GRAMD1B: variants seen among roughly 807,000 people sequenced by gnomAD.
GRAMD1B encodes protein Aster-B.
Under a neutral mutation model 99.7 loss-of-function variants are expected in GRAMD1B, and 37 were observed. The ratio of observed to expected loss-of-function variants is 0.37; its 90% CI spans 0.29 to 0.49. The LOEUF (loss-of-function observed/expected upper bound fraction) is 0.49, where lower values mean the gene tolerates loss of function less well. Ranked by LOEUF, GRAMD1B falls within the 20% of genes least tolerant of loss-of-function variation. GRAMD1B has a pLI of 0.98. For missense variants in GRAMD1B, 888 were observed against 1,009.2 expected (o/e 0.88, Z 1.63); for synonymous variants, 427 against 387.6 (o/e 1.10, Z -1.19).
At chr11:123,378,929 G>T (rs1236937462) in intron 1 of GRAMD1B, among the ~76,000 whole-genome samples, 1 of 152,182 alleles carries the variant, frequency 6.6e-6, no homozygotes, top group East Asian at 1.9e-4. Context: ...CCTGTGTTCA[G>T]TCTTCTCTTG....
intron 1 of GRAMD1B, among the ~76,000 whole-genome samples, chr11:123,370,315 A>T (rs915495319): frequency 3.5e-5 from 5 of 141,940 alleles, no homozygotes; most frequent in African/African-American, 7.8e-5. Flanking sequence ...GACTCCATCT[A>T]AAAAAAAAAA....
chr11:123,475,689 AC>A (rs1951231638), intron 1 of GRAMD1B, among the ~76,000 whole-genome samples: 1 of 152,172 alleles, frequency 6.6e-6, no homozygotes, highest in Admixed American at 6.5e-5. Context: ...AGGGTTTCCA[AC>A]AGACAGTTTC....
upstream of GRAMD1B, among the ~76,000 whole-genome samples, chr11:123,428,652 G>C (rs1270418492): frequency 6.6e-6 from 1 of 152,226 alleles, no homozygotes; most frequent in African/African-American, 2.4e-5. Context: ...TCCATAGCCA[G>C]CTGTCATCCT....
chr11:123,558,973 A>T (rs577352178), intron 2 of GRAMD1B, among the ~76,000 whole-genome samples: 1 of 152,382 alleles, frequency 6.6e-6, no homozygotes, highest in African/African-American at 2.4e-5. Context: ...GATGCAGGTG[A>T]CATCAATGGA....
intron 1 of GRAMD1B, among the ~76,000 whole-genome samples, chr11:123,472,243 GAAAA>G (rs1716254370): frequency 2.6e-5 from 4 of 151,342 alleles, no homozygotes; most frequent in African/African-American, 9.7e-5. Flanking sequence ...AAAAAAAAGA[GAAAA>G]AGAAAAAAGA....
chr11:123,473,566 CCCAGTCCCAAGAA>C (rs1160219187), intron 1 of GRAMD1B, among the ~76,000 whole-genome samples: 1 of 152,194 alleles, frequency 6.6e-6, no homozygotes, highest in Non-Finnish European at 1.5e-5. Flanking sequence ...ACCCACCTCA[CCCAGTCCCAAGAA>C]CCATTAAATA....
chr11:123,416,652 G>C (rs1948241182), intron 1 of GRAMD1B, among the ~76,000 whole-genome samples: 1 of 152,186 alleles, frequency 6.6e-6, no homozygotes, highest in South Asian at 2.1e-4. Context: ...GAGTTTTATA[G>C]TGCCCTATGG....
chr11:123,400,078 A>G (rs1040572868), intron 1 of GRAMD1B, among the ~76,000 whole-genome samples: 4 of 152,158 alleles, frequency 2.6e-5, no homozygotes, highest in Non-Finnish European at 4.4e-5. Flanking sequence ...ATTGAGTTGT[A>G]GGAGTTCCTT....
intron 1 of GRAMD1B, among the ~76,000 whole-genome samples, chr11:123,397,808 C>A (rs557919315): frequency 1.3e-5 from 2 of 152,298 alleles, no homozygotes; most frequent in South Asian, 4.1e-4. Context: ...CACACCCAAC[C>A]TAGAATTTCA....
At chr11:123,469,762 T>C (rs1175843755) in intron 1 of GRAMD1B, among the ~76,000 whole-genome samples, 6 of 123,854 alleles carry the variant, frequency 4.8e-5, no homozygotes, top group African/African-American at 2.0e-4. Flanking sequence ...TCTTTCCTTC[T>C]TTCTTTCTCT....
At chr11:123,561,289 C>A (rs907424933) in intron 2 of GRAMD1B, among the ~76,000 whole-genome samples, 1 of 152,088 alleles carries the variant, frequency 6.6e-6, no homozygotes, top group Admixed American at 6.5e-5. Context: ...GTGCCTCCGG[C>A]GGGGGTAGGA....
chr11:123,602,931 A>T (rs1326153717), intron 8 of GRAMD1B, among the ~76,000 whole-genome samples: 1 of 152,202 alleles, frequency 6.6e-6, no homozygotes, highest in African/African-American at 2.4e-5. Context: ...GTCGAACCTC[A>T]TTCTTGGAAG....
At chr11:123,547,609 C>G (rs913042533) in intron 2 of GRAMD1B, among the ~76,000 whole-genome samples, 8 of 152,210 alleles carry the variant, frequency 5.3e-5, no homozygotes, top group Admixed American at 5.2e-4. Context: ...CTTTTGCTTC[C>G]CCTCTCTCTT....
intron 2 of GRAMD1B, among the ~76,000 whole-genome samples, chr11:123,527,295 C>T (rs1321927626): frequency 6.6e-6 from 1 of 152,178 alleles, no homozygotes; most frequent in Non-Finnish European, 1.5e-5. Flanking sequence ...CACATTTGGC[C>T]TTCCAGGCAC....
At chr11:123,571,690 G>A (rs1253705308) in intron 2 of GRAMD1B, among the ~76,000 whole-genome samples, 2 of 152,152 alleles carry the variant, frequency 1.3e-5, no homozygotes, top group Admixed American at 6.5e-5. Flanking sequence ...GAGAGCTGAT[G>A]ATTTCAGGAA....
chr11:123,491,860 A>G (rs1312959892), intron 2 of GRAMD1B: 1 of 399,106 alleles, frequency 2.5e-6, no homozygotes, highest in Non-Finnish European at 4.4e-6. Flanking sequence ...ATGGTGCAGA[A>G]TCTACAGCCA....
At chr11:123,604,274 G>A (rs1952401258) in intron 9 of GRAMD1B, among the ~76,000 whole-genome samples, 1 of 152,200 alleles carries the variant, frequency 6.6e-6, no homozygotes, top group Non-Finnish European at 1.5e-5. Context: ...AAGTGACTCG[G>A]TGAACCTAAA....
At chr11:123,409,246 G>A (rs1947957177) in intron 1 of GRAMD1B, among the ~76,000 whole-genome samples, 1 of 152,082 alleles carries the variant, frequency 6.6e-6, no homozygotes, top group East Asian at 1.9e-4. Flanking sequence ...CTTACTATGC[G>A]ACTCATGCAA....
rs562288547 is a variant in GRAMD1B, at chr11:123,581,168, C to T, written c.664-3144C>T. Among the ~76,000 whole-genome samples the T allele has an allele frequency of 4.5e-4, 68 of 152,258 alleles. No individual in the cohort carries two copies. In the Middle Eastern group the frequency reaches 0.014, roughly 30 times the overall value. Reference sequence around the variant, plus strand: ...CCTTGCATTCCTTTAAGTGCTTGCTCTTCAGACCTTCTAGGAAAAATGATA... The same window carrying T: ...CCTTGCATTCCTTTAAGTGCTTGCTTTTCAGACCTTCTAGGAAAAATGATA... On this transcript the variant is annotated intron_variant, in intron 3 of 19. Transcript: ENST00000635736.
Sources: allele counts gnomAD v4.1 joint callset (sites outside exome capture counted in the v4.1 genomes callset), GRCh38; gene constraint gnomAD v4.1.1; transcripts MANE v1.5; gene names NCBI Gene and HGNC (gene_info 2026-07-23, HGNC 2026-07-21).